RBMS3: variants seen among roughly 807,000 people sequenced by gnomAD.
RBMS3 encodes RNA-binding motif, single-stranded-interacting protein 3.
A neutral mutation model predicts 66.8 loss-of-function variants in RBMS3; 27 were observed. The ratio of observed to expected loss-of-function variants is 0.40; its 90% confidence interval spans 0.30 to 0.56. The LOEUF (loss-of-function observed/expected upper bound fraction) is 0.56. Among genes scored for constraint, RBMS3 ranks in the 20% least tolerant of loss-of-function variants. RBMS3 has a pLI of 0.40. For synonymous variants in RBMS3, 188 were observed against 183.0 expected, an observed-to-expected ratio of 1.03 and a Z score of -0.22; for missense variants, 513 against 549.5, an observed-to-expected ratio of 0.93 and a Z score of 0.66.
chr3:29,707,752 T>G (rs1419545213), intron 4 of RBMS3, among the ~76,000 whole-genome samples: 2 of 152,240 alleles, frequency 1.3e-5, no homozygotes, highest in African/African-American at 4.8e-5. Context: ...GACAATTTCT[T>G]ACTGCGTTTC....
intron 12 of RBMS3, among the ~76,000 whole-genome samples, chr3:29,954,544 A>G (rs890280304): frequency 6.6e-6 from 1 of 152,010 alleles, no homozygotes; most frequent in Non-Finnish European, 1.5e-5. Context: ...GGTGAGAACC[A>G]TATGATTTAA....
chr3:29,401,686 A>T (rs1384306189), intron 1 of RBMS3, among the ~76,000 whole-genome samples: 2 of 152,096 alleles, frequency 1.3e-5, no homozygotes, highest in Non-Finnish European at 2.9e-5. Context: ...CTGAATGAAG[A>T]TGGGGGAATG....
chr3:29,311,324 G>GA (rs1183980251), intron 1 of RBMS3, among the ~76,000 whole-genome samples: 1 of 151,732 alleles, frequency 6.6e-6, no homozygotes, highest in East Asian at 1.9e-4. Context: ...GCCTAGGTTT[G>GA]AAAAATCTAA....
At chr3:29,549,598 C>T (rs1253111477) in intron 3 of RBMS3, among the ~76,000 whole-genome samples, 3 of 151,934 alleles carry the variant, frequency 2.0e-5, no homozygotes, top group Non-Finnish European at 2.9e-5. Context: ...TGGGGTTTCA[C>T]TTTATTGGTC....
chr3:29,307,887 G>A (rs958974284), intron 1 of RBMS3, among the ~76,000 whole-genome samples: 7 of 151,642 alleles, frequency 4.6e-5, no homozygotes, highest in African/African-American at 1.7e-4. Flanking sequence ...ATATTTAATA[G>A]TATATATTAA....
At chr3:29,412,979 G>A (rs992753445) in intron 1 of RBMS3, among the ~76,000 whole-genome samples, 2 of 152,194 alleles carry the variant, frequency 1.3e-5, no homozygotes, top group Admixed American at 6.5e-5. Context: ...CTTTTTCAGA[G>A]CATGCTCAAA....
At chr3:29,538,488 A>T (rs1198457880) in intron 3 of RBMS3, among the ~76,000 whole-genome samples, 1 of 152,220 alleles carries the variant, frequency 6.6e-6, no homozygotes, top group Non-Finnish European at 1.5e-5. Context: ...ATAACTGAGG[A>T]AGTCCCTTAG....
intron 4 of RBMS3, among the ~76,000 whole-genome samples, chr3:29,722,790 G>T (rs1259766494): frequency 6.6e-6 from 1 of 151,986 alleles, no homozygotes; most frequent in Non-Finnish European, 1.5e-5. Flanking sequence ...GTGCTGTGAT[G>T]TCCTTCTCAG....
chr3:29,602,884 A>G (rs1037805338), intron 4 of RBMS3, among the ~76,000 whole-genome samples: 5 of 151,964 alleles, frequency 3.3e-5, no homozygotes, highest in East Asian at 1.9e-4. Context: ...GTGCTTTCAC[A>G]TGTTGTCTCC....
At chr3:29,567,575 G>A (rs3773088) in intron 3 of RBMS3, among the ~76,000 whole-genome samples, 3,516 of 152,200 alleles carry the variant, frequency 0.023, 97 homozygotes, top group Admixed American at 0.09. Flanking sequence ...GGACACAAAA[G>A]TGTTATAGGA....
At chr3:29,509,413 A>G (rs2044311242) in intron 3 of RBMS3, among the ~76,000 whole-genome samples, 1 of 152,202 alleles carries the variant, frequency 6.6e-6, no homozygotes, top group African/African-American at 2.4e-5. Context: ...TTTTACATAT[A>G]TGATAGCAGT....
At chr3:29,575,748 A>G (rs1167001616) in intron 3 of RBMS3, among the ~76,000 whole-genome samples, 1 of 151,970 alleles carries the variant, frequency 6.6e-6, no homozygotes, top group Non-Finnish European at 1.5e-5. Context: ...CTTCAAGCTC[A>G]CTAATTCTTC....
chr3:29,521,494 C>G (rs2044855320), intron 3 of RBMS3, among the ~76,000 whole-genome samples: 1 of 152,134 alleles, frequency 6.6e-6, no homozygotes, highest in Non-Finnish European at 1.5e-5. Flanking sequence ...AGCCAGGTCT[C>G]CAGGACTCAA....
At chr3:29,685,816 T>G (rs532878398) in intron 4 of RBMS3, among the ~76,000 whole-genome samples, 1 of 152,322 alleles carries the variant, frequency 6.6e-6, no homozygotes, top group Admixed American at 6.5e-5. Flanking sequence ...CTGCCAGTCA[T>G]TTATATGCAC....
intron 1 of RBMS3, among the ~76,000 whole-genome samples, chr3:29,393,506 G>A (rs2125649183): frequency 6.6e-6 from 1 of 152,256 alleles, no homozygotes; most frequent in East Asian, 1.9e-4. Context: ...ACTAGTGGAT[G>A]ATGAACTACC....
intron 4 of RBMS3, among the ~76,000 whole-genome samples, chr3:29,622,847 G>C (rs9879504): frequency 6.6e-6 from 1 of 152,068 alleles, no homozygotes. Context: ...GGACAGGAGC[G>C]GTGGCTCACA....
At chr3:29,370,852 A>G (rs938497445) in intron 1 of RBMS3, among the ~76,000 whole-genome samples, 1 of 152,210 alleles carries the variant, frequency 6.6e-6, no homozygotes, top group Admixed American at 6.5e-5. Context: ...AGTGATGAGA[A>G]TGCTGTTTAC....
chr3:29,392,829 G>A (rs544462171), intron 1 of RBMS3, among the ~76,000 whole-genome samples: 2 of 151,896 alleles, frequency 1.3e-5, no homozygotes, highest in East Asian at 1.9e-4. Flanking sequence ...GTTGGGTCAG[G>A]TGAAAAGAGA....
intron 6 of RBMS3, among the ~76,000 whole-genome samples, chr3:29,844,066 T>C (rs2058723895): frequency 6.6e-6 from 1 of 152,238 alleles, no homozygotes; most frequent in South Asian, 2.1e-4. Context: ...CTTTGGTTCA[T>C]ATTAAAATAT....
Sources: gnomAD v4.1 joint callset for allele counts (sites outside exome capture counted in the v4.1 genomes callset) on GRCh38, gnomAD v4.1.1 for gene constraint, MANE v1.5 for transcripts, NCBI Gene and HGNC (gene_info 2026-07-23, HGNC 2026-07-21) for gene names.